Variants in MATN2 observed in about 807,000 individuals in gnomAD.
MATN2 encodes matrilin 2.
Under a neutral mutation model 103.2 loss-of-function variants are expected in MATN2, and 69 were observed. The ratio of observed to expected loss-of-function variants is 0.67; its 90% confidence interval spans 0.55 to 0.82. MATN2 has a LOEUF of 0.82. Among genes scored for constraint, MATN2 ranks in the 40% least tolerant of loss-of-function variants. MATN2 has a pLI of 0.00. For missense variants in MATN2, 1,023 were observed against 1,211.5 expected (o/e 0.84, Z 2.31); for synonymous variants, 429 against 450.2 (o/e 0.95, Z 0.60).
chr8:98,022,670 C>T (rs985344373), intron 13 of MATN2, among the ~76,000 whole-genome samples: 4 of 138,766 alleles, frequency 2.9e-5, no homozygotes, highest in African/African-American at 1.1e-4. Flanking sequence ...TACAGCTTAG[C>T]ACGAGGACAA....
rs1032569876 is a variant in MATN2, at chr8:98,035,767, C to A, written c.*55C>A. On this transcript the variant is annotated 3_prime_UTR_variant, in exon 19 of 19. Coordinates refer to ENST00000254898, the MANE Select transcript of MATN2 (RefSeq NM_002380.5). ...ATTGTATCACGGATTACAATGAACG[C>A]AGTGCAGAGCCCCAAAGCTCAGGCT... is the stretch of plus-strand genomic sequence containing the variant. 1 of 1,126,768 alleles carries A rather than the reference C, an allele frequency of 8.9e-7. No individual in the cohort carries two copies. The highest frequency in any genetic ancestry group is 1.3e-6 in the Non-Finnish European group (1 of 773,496). The allele number at this position is 1,126,768 out of a possible 1,614,324, so 69.8% of individuals were successfully genotyped here.
intron 5 of MATN2, among the ~76,000 whole-genome samples, chr8:97,962,453 C>A (rs915404103): frequency 3.3e-5 from 5 of 152,182 alleles, no homozygotes; most frequent in Admixed American, 6.5e-5. Flanking sequence ...AACAAAACAA[C>A]AACAAAACAA....
At chr8:97,871,010 G>A (rs528840259) in intron 1 of MATN2, among the ~76,000 whole-genome samples, 196 of 152,308 alleles carry the variant, frequency 1.3e-3, no homozygotes, top group Non-Finnish European at 2.4e-3. Context: ...GGGCTCTGGG[G>A]TTTCTTGTTC....
chr8:97,927,016 G>T (rs1810008672), intron 2 of MATN2, among the ~76,000 whole-genome samples: 1 of 152,224 alleles, frequency 6.6e-6, no homozygotes, highest in African/African-American at 2.4e-5. Context: ...ACCTGTGTGT[G>T]TCCCTAGACC....
intron 7 of MATN2, among the ~76,000 whole-genome samples, chr8:98,003,088 C>T (rs1479848940): frequency 1.3e-5 from 2 of 151,842 alleles, no homozygotes; most frequent in African/African-American, 4.8e-5. Context: ...TGTTCACTGT[C>T]CCCTCATCCC....
chr8:98,031,272 C>T (rs898524388), intron 15 of MATN2, among the ~76,000 whole-genome samples: 5 of 151,512 alleles, frequency 3.3e-5, no homozygotes, highest in African/African-American at 7.3e-5. Flanking sequence ...CTGGAGGTCA[C>T]GGCTTCAGTG....
chr8:97,880,044 C>T (rs540737066), intron 1 of MATN2, among the ~76,000 whole-genome samples: 1 of 151,702 alleles, frequency 6.6e-6, no homozygotes, highest in African/African-American at 2.4e-5. Flanking sequence ...ACTATTGAGC[C>T]TGATGTCTAG....
rs75500260 is a variant in MATN2 at position 97,871,112 on chromosome 8, G to A, written c.-27+1825G>A. ...TGAAACACCCTCGAGCAGCTGTCAT[G>A]CCCTAAGCTCTTATCAGCGAGTGCC... On this transcript the variant is annotated intron_variant, in intron 1 of 18. Transcript: ENST00000254898. Among the ~76,000 whole-genome samples the A allele has an allele frequency of 8.4e-3, 1,282 of 152,282 alleles. 11 individuals are homozygous for A. Among genetic ancestry groups the A allele is most frequent in the East Asian group, 0.042 (216 of 5,172 alleles).
At chr8:97,947,040 T>C (rs1228633713) in intron 4 of MATN2, among the ~76,000 whole-genome samples, 1 of 152,162 alleles carries the variant, frequency 6.6e-6, no homozygotes, top group Non-Finnish European at 1.5e-5. Context: ...ATTCCAAGAA[T>C]GCAAGTTTGG....
At chr8:97,977,068 C>T (rs1264982865) in intron 5 of MATN2, among the ~76,000 whole-genome samples, 1 of 151,370 alleles carries the variant, frequency 6.6e-6, no homozygotes, top group Non-Finnish European at 1.5e-5. Context: ...AAACCCCGTT[C>T]CTACTAAAAA....
intron 12 of MATN2, among the ~76,000 whole-genome samples, chr8:98,019,077 GTTCTATC>G (rs1813480839): frequency 6.8e-6 from 1 of 147,194 alleles, no homozygotes; most frequent in Non-Finnish European, 1.5e-5. Context: ...TCTATGGTCT[GTTCTATC>G]TTCTATTTAT....
intron 15 of MATN2, among the ~76,000 whole-genome samples, chr8:98,031,243 G>T (rs1324938491): frequency 6.6e-6 from 1 of 152,032 alleles, no homozygotes; most frequent in Non-Finnish European, 1.5e-5. Flanking sequence ...GAGACTGAGC[G>T]GGGAGGATCG....
intron 4 of MATN2, among the ~76,000 whole-genome samples, chr8:97,958,363 G>A (rs952044841): frequency 6.6e-6 from 1 of 152,168 alleles, no homozygotes; most frequent in African/African-American, 2.4e-5. Context: ...ATGCTGGAGC[G>A]TCACCTCCCA....
At chr8:97,951,671 TA>T (rs1396620115) in intron 4 of MATN2, among the ~76,000 whole-genome samples, 4 of 152,186 alleles carry the variant, frequency 2.6e-5, no homozygotes, top group Admixed American at 2.6e-4. Context: ...GGGTTTATAT[TA>T]AGAACATAAT....
intron 5 of MATN2, among the ~76,000 whole-genome samples, chr8:97,969,696 C>T (rs1375092047): frequency 1.3e-5 from 2 of 152,100 alleles, no homozygotes; most frequent in Admixed American, 1.3e-4. Context: ...TTCAGCATGG[C>T]CAAAGGTAAC....
At position 98,033,078 on chromosome 8, in the gene MATN2, T is replaced by C. The variant is rs1330500328; in HGVS notation, c.2618T>C (p.Leu873Pro). The C allele has an allele frequency of 1.2e-6, 2 of 1,612,302 alleles. No individual in the cohort carries two copies. The highest frequency in any genetic ancestry group is 1.7e-6 in the Non-Finnish European group (2 of 1,179,196). Residue 873 changes from leucine to proline, a missense_variant, in exon 17 of 19, where the codon CTT becomes CCT. By Grantham distance (98) the Leu-to-Pro change is moderately conservative. Transcript: ENST00000254898. ...GTCACCATAAATATCCAAGACCTAC[T>C]TTCCTGTTCTAATTTTGCAGTGCAA... is the stretch of plus-strand genomic sequence containing the variant. Reference protein sequence around the residue: ...EPVTINIQDLLSCSNFAVQHR... With the variant: ...EPVTINIQDLPSCSNFAVQHR...
chr8:97,983,538 G>A (rs530830937), intron 6 of MATN2, among the ~76,000 whole-genome samples: 1 of 152,218 alleles, frequency 6.6e-6, no homozygotes, highest in East Asian at 1.9e-4. Context: ...TGCTGGACAG[G>A]GATTCATGTC....
At chr8:97,903,622 T>G (rs997807290) in intron 2 of MATN2, among the ~76,000 whole-genome samples, 1 of 152,158 alleles carries the variant, frequency 6.6e-6, no homozygotes, top group African/African-American at 2.4e-5. Context: ...AGGCGGGAAC[T>G]GGGAAGTTGG....
chr8:97,933,446 AG>A (rs1373928871), intron 3 of MATN2, among the ~76,000 whole-genome samples: 1 of 152,172 alleles, frequency 6.6e-6, no homozygotes, highest in East Asian at 1.9e-4. Context: ...TCTTTTTATA[AG>A]CCTTCTGTAT....
Sources: allele counts gnomAD v4.1 joint callset (sites outside exome capture counted in the v4.1 genomes callset), GRCh38; gene constraint gnomAD v4.1.1; transcripts MANE v1.5; gene names NCBI Gene and HGNC (gene_info 2026-07-23, HGNC 2026-07-21).